Variants in ZBTB20 observed in about 807,000 individuals in gnomAD.
ZBTB20 encodes zinc finger and BTB domain containing 20.
Under a neutral mutation model 56.9 loss-of-function variants are expected in ZBTB20, and 9 were observed. The ratio of observed to expected loss-of-function variants is 0.16; its 90% CI spans 0.10 to 0.28. The LOEUF (loss-of-function observed/expected upper bound fraction) is 0.28, where lower values mean the gene tolerates loss of function less well. ZBTB20 is among the 10% of genes least tolerant of loss of function. The pLI is 1.00. For synonymous variants in ZBTB20, 417 were observed against 420.7 expected (o/e 0.99, Z 0.11); for missense variants, 655 against 1,003.0 (o/e 0.65, Z 4.69).
chr3:114,468,999 T>C (rs2092654152), intron 7 of ZBTB20, among the ~76,000 whole-genome samples: 1 of 139,882 alleles, frequency 7.1e-6, no homozygotes, highest in South Asian at 2.3e-4. Context: ...TCTCCAATTT[T>C]TCAAGAGAAG....
chr3:114,580,713 AG>A (rs1279823770), intron 6 of ZBTB20, among the ~76,000 whole-genome samples: 6 of 151,888 alleles, frequency 4.0e-5, no homozygotes, highest in Non-Finnish European at 5.9e-5. Context: ...TAATAATGTA[AG>A]AATCTAAGTT....
chr3:115,111,951 T>C (rs1157961578), intron 1 of ZBTB20, among the ~76,000 whole-genome samples: 1 of 152,180 alleles, frequency 6.6e-6, no homozygotes, highest in Non-Finnish European at 1.5e-5. Context: ...AAGTAATATG[T>C]AGTTTTACCA....
At chr3:114,999,110 G>A (rs1347985769) in intron 2 of ZBTB20, among the ~76,000 whole-genome samples, 2 of 145,570 alleles carry the variant, frequency 1.4e-5, no homozygotes, top group Admixed American at 6.9e-5. Flanking sequence ...AAGGAGGAAG[G>A]AAAGGGAAGG....
chr3:114,812,276 C>T (rs1439707221), intron 4 of ZBTB20, among the ~76,000 whole-genome samples: 3 of 152,030 alleles, frequency 2.0e-5, no homozygotes, highest in Non-Finnish European at 4.4e-5. Flanking sequence ...CTGATTGGTG[C>T]GTTTACAATC....
At chr3:114,774,408 A>G (rs1357415964) in intron 5 of ZBTB20, among the ~76,000 whole-genome samples, 1 of 152,196 alleles carries the variant, frequency 6.6e-6, no homozygotes, top group Non-Finnish European at 1.5e-5. Context: ...GGATAGCTCC[A>G]ATGACCTGGG....
intron 7 of ZBTB20, among the ~76,000 whole-genome samples, chr3:114,430,297 T>C (rs1559779103): frequency 6.6e-6 from 1 of 152,208 alleles, no homozygotes; most frequent in Non-Finnish European, 1.5e-5. Flanking sequence ...AGAGCAGAGA[T>C]TGTTTCCATT....
chr3:115,017,362 T>G (rs1273392120), intron 2 of ZBTB20, among the ~76,000 whole-genome samples: 1 of 151,450 alleles, frequency 6.6e-6, no homozygotes, highest in East Asian at 2.0e-4. Flanking sequence ...TACAAACCAC[T>G]CCTCATGGAA....
intron 6 of ZBTB20, chr3:114,625,074 G>A (rs2058575902): frequency 6.5e-6 from 1 of 152,936 alleles, no homozygotes; most frequent in South Asian, 2.1e-4. Flanking sequence ...TGGAATAGCA[G>A]GGGGGTTTAG....
chr3:114,366,392 A>C (rs2082403210), intron 10 of ZBTB20, among the ~76,000 whole-genome samples: 2 of 150,336 alleles, frequency 1.3e-5, no homozygotes, highest in East Asian at 2.0e-4. Flanking sequence ...TCTGGGGGGA[A>C]TGGGGGTGGG....
In ZBTB20 at chr3:114,979,780, C is replaced by T. The variant is rs11928061; in HGVS notation, c.-506-5364G>A. Among the ~76,000 whole-genome samples the T allele has an allele frequency of 1.7e-3, 263 of 152,036 alleles. 2 individuals are homozygous for T. Among genetic ancestry groups the T allele is most frequent in the African/African-American group, 6.0e-3 (249 of 41,532 alleles). On this transcript the variant is annotated intron_variant, in intron 2 of 11. Coordinates refer to ENST00000675478, the MANE Select transcript of ZBTB20 (RefSeq NM_001348800.3). Reference sequence around the variant, plus strand: ...GGAAAAGCTTTAATTTCAGTTCATCCATAATCATGCATCCTAAGGTGGAGG... The same window carrying T: ...GGAAAAGCTTTAATTTCAGTTCATCTATAATCATGCATCCTAAGGTGGAGG...
intron 7 of ZBTB20, among the ~76,000 whole-genome samples, chr3:114,458,405 C>G (rs2092148781): frequency 6.6e-6 from 1 of 151,920 alleles, no homozygotes; most frequent in Non-Finnish European, 1.5e-5. Context: ...AATGAATGGG[C>G]AAAAGAATTA....
chr3:114,909,286 A>G (rs1560387268), intron 3 of ZBTB20, among the ~76,000 whole-genome samples: 1 of 152,078 alleles, frequency 6.6e-6, no homozygotes, highest in Non-Finnish European at 1.5e-5. Context: ...AAAAAATTAA[A>G]TGGAAAAAAT....
intron 4 of ZBTB20, among the ~76,000 whole-genome samples, chr3:114,845,012 G>C (rs2074622446): frequency 6.6e-6 from 1 of 151,320 alleles, no homozygotes; most frequent in Non-Finnish European, 1.5e-5. Context: ...TACAGTCTGT[G>C]GCTTACCTTT....
At chr3:114,524,811 T>A (rs1228046993) in intron 6 of ZBTB20, among the ~76,000 whole-genome samples, 1 of 152,122 alleles carries the variant, frequency 6.6e-6, no homozygotes, top group Non-Finnish European at 1.5e-5. Flanking sequence ...GCCTCTCAGG[T>A]TCAAGCGATT....
chr3:115,026,142 G>A (rs778053335), intron 2 of ZBTB20, among the ~76,000 whole-genome samples: 15 of 150,778 alleles, frequency 9.9e-5, no homozygotes, highest in African/African-American at 3.2e-4. Flanking sequence ...ACAAATAACC[G>A]ATGTTCAATT....
chr3:114,412,592 C>A (rs895160040), intron 7 of ZBTB20, among the ~76,000 whole-genome samples: 1 of 152,074 alleles, frequency 6.6e-6, no homozygotes, highest in African/African-American at 2.4e-5. Flanking sequence ...AAGTTCAAAT[C>A]TTACTTCATG....
At chr3:114,508,116 A>C (rs1398059749) in intron 6 of ZBTB20, among the ~76,000 whole-genome samples, 1 of 152,198 alleles carries the variant, frequency 6.6e-6, no homozygotes, top group Non-Finnish European at 1.5e-5. Flanking sequence ...TTGAAGGTCC[A>C]GAAAGTAATA....
intron 3 of ZBTB20, among the ~76,000 whole-genome samples, chr3:114,953,070 A>C (rs973434349): frequency 1.2e-4 from 18 of 152,096 alleles, no homozygotes; most frequent in African/African-American, 4.3e-4. Context: ...TGACAAAACA[A>C]TAATGCAAAA....
rs560372776 is a variant in ZBTB20, at chr3:114,713,621, T to G, written c.-342-20046A>C. On this transcript the variant is annotated intron_variant, in intron 5 of 11. Coordinates refer to ENST00000675478, the MANE Select transcript of ZBTB20 (RefSeq NM_001348800.3). ...CACAGAATAGCCATTGGAATCTGGA[T>G]TAGAGTCTGAAAAACACTGCATTTT... Among the ~76,000 whole-genome samples, 34 of 152,260 alleles carry G rather than the reference T, an allele frequency of 2.2e-4. No homozygotes were observed. The South Asian group carries it at 6.8e-3, about 31-fold the overall frequency.
Sources: gnomAD v4.1 joint callset for allele counts (sites outside exome capture counted in the v4.1 genomes callset) on GRCh38, gnomAD v4.1.1 for gene constraint, MANE v1.5 for transcripts, NCBI Gene and HGNC (gene_info 2026-07-23, HGNC 2026-07-21) for gene names.